FRMD5: variants seen among roughly 807,000 people sequenced by gnomAD.
The protein encoded by FRMD5 is FERM domain-containing protein 5.
FRMD5 carries 20 observed loss-of-function variants against 69.0 expected under a neutral mutation model. The ratio of observed to expected loss-of-function variants is 0.29; its 90% CI spans 0.20 to 0.42. The LOEUF (loss-of-function observed/expected upper bound fraction) is 0.42, where lower values mean the gene tolerates loss of function less well. FRMD5 is among the 10% of genes least tolerant of loss of function. The pLI is 1.00. For missense variants in FRMD5, 595 were observed against 708.6 expected (o/e 0.84, Z 1.82); for synonymous variants, 271 against 260.1 (o/e 1.04, Z -0.40).
At chr15:43,922,509 C>T (rs1032303613) in intron 2 of FRMD5, among the ~76,000 whole-genome samples, 1 of 152,086 alleles carries the variant, frequency 6.6e-6, no homozygotes, top group African/African-American at 2.4e-5. Context: ...CTCTCTAGTT[C>T]CTTCTCATTT....
intron 13 of FRMD5, among the ~76,000 whole-genome samples, chr15:43,883,073 G>A (rs1410264875): frequency 1.3e-5 from 2 of 151,986 alleles, no homozygotes; most frequent in African/African-American, 4.8e-5. Context: ...TGGGATTACA[G>A]GCGTGAGCCA....
intron 1 of FRMD5, among the ~76,000 whole-genome samples, chr15:44,183,972 G>A (rs1259372548): frequency 1.4e-5 from 2 of 147,262 alleles, no homozygotes; most frequent in South Asian, 2.1e-4. Context: ...GCAAGTCTCC[G>A]TCTCAAAAAA....
At chr15:43,961,247 A>C (rs1272081580) in intron 1 of FRMD5, among the ~76,000 whole-genome samples, 1 of 152,238 alleles carries the variant, frequency 6.6e-6, no homozygotes, top group Non-Finnish European at 1.5e-5. Flanking sequence ...ACAGAAATAC[A>C]AACTACCATC....
intron 1 of FRMD5, among the ~76,000 whole-genome samples, chr15:44,096,232 GTAAAT>G (rs893054155): frequency 1.9e-4 from 26 of 135,722 alleles, no homozygotes; most frequent in African/African-American, 5.4e-4. Flanking sequence ...AAAAAAAAGA[GTAAAT>G]TAAATTATGT....
intron 1 of FRMD5, among the ~76,000 whole-genome samples, chr15:44,191,411 C>T (rs1346280612): frequency 6.6e-6 from 1 of 151,878 alleles, no homozygotes; most frequent in African/African-American, 2.4e-5. Context: ...CATGGTGAAA[C>T]CTCGTCTCTA....
chr15:44,146,974 C>T (rs906894920), intron 1 of FRMD5, among the ~76,000 whole-genome samples: 2 of 152,152 alleles, frequency 1.3e-5, no homozygotes, highest in African/African-American at 4.8e-5. Flanking sequence ...TTTTGCTGTG[C>T]AGAAGCTCTT....
chr15:43,975,591 G>A (rs1438796971), intron 1 of FRMD5, among the ~76,000 whole-genome samples: 1 of 152,116 alleles, frequency 6.6e-6, no homozygotes, highest in Non-Finnish European at 1.5e-5. Context: ...ACAACTCAAG[G>A]AAAACAATAA....
rs571924271 is a variant in FRMD5 at position 44,041,788 on chromosome 15, G to A, written c.103-117479C>T. Among the ~76,000 whole-genome samples the A allele has an allele frequency of 2.0e-5, 3 of 152,296 alleles. No individual in the cohort carries two copies. In the South Asian group the frequency reaches 6.2e-4, roughly 32 times the overall value. ...TGTGACACATTTAAAGCAGGGTGTA[G>A]AGGGAAATTTATAGGACTAGATGCC... On this transcript the variant is annotated intron_variant, in intron 1 of 13. Coordinates refer to ENST00000417257, the MANE Select transcript of FRMD5 (RefSeq NM_032892.5).
chr15:43,992,963 A>G (rs1889757579), intron 1 of FRMD5, among the ~76,000 whole-genome samples: 1 of 151,894 alleles, frequency 6.6e-6, no homozygotes, highest in South Asian at 2.1e-4. Flanking sequence ...TTTGTATTCT[A>G]TTTTTGTCTC....
Position 43,948,746 on chromosome 15 carries a change from A to C in FRMD5, c.103-24437T>G, listed in dbSNP as rs1038313758. On this transcript the variant is annotated intron_variant, in intron 1 of 13. Transcript: ENST00000417257. ...AACCAGTTCTAAGAATTCTCCGAAA[A>C]GGACAGGCCTGTACTGTCCCCTAAC... 2.0e-5 allele frequency among the ~76,000 whole-genome samples: 3 copies of C among 152,218 alleles called. No individual in the cohort carries two copies. In the South Asian group the frequency reaches 6.2e-4, roughly 32 times the overall value.
At chr15:43,906,818 G>T (rs1165718642) in intron 5 of FRMD5, among the ~76,000 whole-genome samples, 1 of 149,502 alleles carries the variant, frequency 6.7e-6, no homozygotes, top group African/African-American at 2.6e-5. Context: ...AGCCAGGATG[G>T]TCTCGATCTC....
chr15:43,963,055 T>A (rs1236890888), intron 1 of FRMD5, among the ~76,000 whole-genome samples: 14 of 152,058 alleles, frequency 9.2e-5, no homozygotes, highest in Non-Finnish European at 1.3e-4. Context: ...AATTGACAAA[T>A]GGGATCTAAT....
intron 1 of FRMD5, among the ~76,000 whole-genome samples, chr15:44,109,018 A>AAT (rs1362732400): frequency 1.4e-5 from 2 of 143,036 alleles, no homozygotes; most frequent in Admixed American, 6.7e-5. Flanking sequence ...AATAAAATAA[A>AAT]ATGTTTGCCA....
chr15:44,047,645 A>C (rs549700870), intron 1 of FRMD5, among the ~76,000 whole-genome samples: 82 of 152,360 alleles, frequency 5.4e-4, no homozygotes, highest in African/African-American at 1.9e-3. Flanking sequence ...TATGTTTACA[A>C]CAATCTAATT....
chr15:44,010,653 G>A (rs965430137), intron 1 of FRMD5, among the ~76,000 whole-genome samples: 2 of 152,058 alleles, frequency 1.3e-5, no homozygotes, highest in African/African-American at 4.8e-5. Context: ...CCAAAGTGCT[G>A]GGATTATAGG....
chr15:43,944,043 A>G (rs747714), intron 1 of FRMD5, among the ~76,000 whole-genome samples: 40,915 of 152,190 alleles, frequency 0.27, 10,497 homozygotes, highest in African/African-American at 0.67. Flanking sequence ...TCTTTTCAGT[A>G]CCATATCCCA....
chr15:44,132,389 T>C (rs1194407331), intron 1 of FRMD5, among the ~76,000 whole-genome samples: 3 of 152,152 alleles, frequency 2.0e-5, no homozygotes, highest in Non-Finnish European at 2.9e-5. Flanking sequence ...GAAGAGTTAC[T>C]GGGGACAGAT....
At chr15:44,122,763 G>C (rs2076971656) in intron 1 of FRMD5, among the ~76,000 whole-genome samples, 1 of 151,984 alleles carries the variant, frequency 6.6e-6, no homozygotes, top group African/African-American at 2.4e-5. Flanking sequence ...AATTAGCTAG[G>C]CGTGGTGGCG....
At position 44,081,148 on chromosome 15, in the gene FRMD5, T is replaced by C. The variant is rs528606863; in HGVS notation, c.102+113805A>G. Among the ~76,000 whole-genome samples the C allele has an allele frequency of 3.9e-5, 6 of 152,228 alleles. No individual in the cohort carries two copies. In the South Asian group the frequency reaches 1.2e-3, roughly 32 times the overall value. On this transcript the variant is annotated intron_variant, in intron 1 of 13. Coordinates refer to ENST00000417257, the MANE Select transcript of FRMD5 (RefSeq NM_032892.5). ...TTCCCTCCTTCCCTTTTGGGAACAC[T>C]TCAACTAACCCTATTTTAGTTTGGC...
Sources: gnomAD v4.1 joint callset for allele counts (sites outside exome capture counted in the v4.1 genomes callset) on GRCh38, gnomAD v4.1.1 for gene constraint, MANE v1.5 for transcripts, NCBI Gene and HGNC (gene_info 2026-07-23, HGNC 2026-07-21) for gene names.